RNF157: variants seen among roughly 807,000 people sequenced by gnomAD.
RNF157 encodes the protein ring finger protein 157.
A neutral mutation model predicts 88.3 loss-of-function variants in RNF157; 55 were observed. The ratio of observed to expected loss-of-function variants is 0.62; its 90% CI spans 0.50 to 0.78. RNF157 has a LOEUF of 0.78. Among genes scored for constraint, RNF157 ranks in the 30% least tolerant of loss-of-function variants. The pLI is 0.00. For synonymous variants in RNF157, 334 were observed against 341.2 expected (o/e 0.98, Z 0.23); for missense variants, 788 against 860.8 (o/e 0.92, Z 1.06).
intron 2 of RNF157, among the ~76,000 whole-genome samples, chr17:76,182,913 C>T (rs1359854986): frequency 6.7e-6 from 1 of 149,838 alleles, no homozygotes; most frequent in Non-Finnish European, 1.5e-5. Flanking sequence ...CATCAATTCT[C>T]AGGTAAAGAA....
intron 6 of RNF157, 131 bp from the exon 7 acceptor site, chr17:76,165,676 A>G (rs1183658232): frequency 1.7e-5 from 15 of 882,224 alleles, no homozygotes; most frequent in Non-Finnish European, 2.5e-5. Context: ...ACGTTATATA[A>G]CCCATACTTT....
At position 76,166,356 on chromosome 17, in the gene RNF157, A is replaced by G. The variant is rs2068924364; in HGVS notation, c.628+105T>C. The G allele has an allele frequency of 3.3e-6, 3 of 917,938 alleles. No individual in the cohort carries two copies. The African/African-American group carries it at 4.9e-5, about 15-fold the overall frequency. 56.9% of individuals were successfully genotyped at this position (917,938 alleles called of 1,614,324 possible). ...CAGAGACTGCCTGACTCACAGTCACAAACACCCACAAAGAAGGCATGTTGT... is the reference window on the plus strand; with the variant it reads ...CAGAGACTGCCTGACTCACAGTCACGAACACCCACAAAGAAGGCATGTTGT... On this transcript the variant is annotated intron_variant, in intron 6 of 18. Transcript: ENST00000269391.
rs1191998107 is a variant in RNF157, at chr17:76,176,836, C to G, written c.208-3046G>C. ...GAGCTGGGGCCATGCTTCAGGGGCCCCGGGCAGGAAGTGGGAGCAGCTTCC... is the reference window on the plus strand; with the variant it reads ...GAGCTGGGGCCATGCTTCAGGGGCCGCGGGCAGGAAGTGGGAGCAGCTTCC... On this transcript the variant is annotated intron_variant, in intron 2 of 18. Coordinates refer to ENST00000269391, the MANE Select transcript of RNF157 (RefSeq NM_052916.3). The surrounding 1 kb of genome is among the most constrained non-coding windows in gnomAD (Gnocchi z 4.2). 6.6e-6 allele frequency among the ~76,000 whole-genome samples: 1 copy of G among 152,070 alleles called. No homozygotes were observed. Among genetic ancestry groups the G allele is most frequent in the Non-Finnish European group, 1.5e-5 (1 of 68,008 alleles).
chr17:76,214,932 C>T (rs899373141), intron 1 of RNF157, among the ~76,000 whole-genome samples: 7 of 152,158 alleles, frequency 4.6e-5, no homozygotes, highest in Non-Finnish European at 8.8e-5. Flanking sequence ...GATGATTAAA[C>T]GAATGCCGCT....
At chr17:76,171,217 C>G (rs751825838) in intron 3 of RNF157, among the ~76,000 whole-genome samples, 4 of 149,470 alleles carry the variant, frequency 2.7e-5, no homozygotes, top group Non-Finnish European at 5.9e-5. Flanking sequence ...TAGTTGGAGT[C>G]TCACTCTGTC....
chr17:76,157,943 C>T lies in RNF157; in HGVS notation c.1413+450G>A, dbSNP rs1377562548. Reference sequence around the variant, plus strand: ...TCCCAGACCTAGGGCCCTCTCTCCTCGTATATCTGCATAGCTAGCTCTACC... The same window carrying T: ...TCCCAGACCTAGGGCCCTCTCTCCTTGTATATCTGCATAGCTAGCTCTACC... On this transcript the variant is annotated intron_variant, in intron 13 of 18. Coordinates refer to ENST00000269391, the MANE Select transcript of RNF157 (RefSeq NM_052916.3). The surrounding 1 kb of genome is among the most constrained non-coding windows in gnomAD (Gnocchi z 5.6). Among the ~76,000 whole-genome samples, 1 of 151,980 alleles carries T rather than the reference C, an allele frequency of 6.6e-6. No homozygotes were observed. Among genetic ancestry groups the T allele is most frequent in the Non-Finnish European group, 1.5e-5 (1 of 67,986 alleles).
At chr17:76,185,674 T>C (rs2069273714) in intron 2 of RNF157, among the ~76,000 whole-genome samples, 1 of 151,998 alleles carries the variant, frequency 6.6e-6, no homozygotes, top group South Asian at 2.1e-4. Flanking sequence ...TTTCACCGTG[T>C]TAGCCAGGAT....
chr17:76,184,016 C>T (rs887667149), intron 2 of RNF157, among the ~76,000 whole-genome samples: 5 of 151,854 alleles, frequency 3.3e-5, no homozygotes, highest in Non-Finnish European at 5.9e-5. Context: ...ATGGTGAAAC[C>T]CCGTCTCTAC....
chr17:76,146,510 G>A lies in RNF157; in HGVS notation c.1922-1157C>T. On this transcript the variant is annotated intron_variant, in intron 18 of 18. Transcript: ENST00000269391. This position sits in a 1 kb window ranked among gnomAD's most constrained non-coding sequence, Gnocchi z 4.2. ...GGGCCTCGGCTGCCTCCACTCTCAG[G>A]GTCCCCTGGCTCCCTGGGGTAGGGA... 3.0e-6 allele frequency: 3 copies of A among 985,406 alleles called. No individual in the cohort carries two copies. The highest frequency in any genetic ancestry group is 3.6e-6 in the Non-Finnish European group (3 of 829,902). 61.0% of individuals were successfully genotyped at this position (985,406 alleles called of 1,614,324 possible).
Position 76,167,070 on chromosome 17 carries a change from A to T in RNF157, c.500T>A (p.Val167Glu). Reference sequence around the variant, plus strand: ...GGAGGGCAGGCAGAACTGCTGACACACTCCTCGCTTGTACTGCACAGTCTC... The same window carrying T: ...GGAGGGCAGGCAGAACTGCTGACACTCTCCTCGCTTGTACTGCACAGTCTC... The part of the protein sequence containing the change: ...QSETVQYKRG[V>E]CQQFCLPSHT... Residue 167 changes from valine (V) to glutamate (E), a missense_variant, in exon 5 of 19, where the codon GTG becomes GAG. By Grantham distance (121) the Val-to-Glu change is moderately radical. Coordinates refer to ENST00000269391, the MANE Select transcript of RNF157 (RefSeq NM_052916.3). The T allele has an allele frequency of 6.2e-7, 1 of 1,612,736 alleles. No individual in the cohort carries two copies. Among genetic ancestry groups the T allele is most frequent in the Non-Finnish European group, 8.5e-7 (1 of 1,179,806 alleles).
chr17:76,157,112 G>T lies in RNF157; in HGVS notation c.1414-791C>A, dbSNP rs554578792. ...CTCCCGAGTAGCTGGGACTACAGGT[G>T]CATGCCACCACACCTGGCTAATTTT... is the stretch of plus-strand genomic sequence containing the variant. On this transcript the variant is annotated intron_variant, in intron 13 of 18. Transcript: ENST00000269391. The surrounding 1 kb of genome is among the most constrained non-coding windows in gnomAD (Gnocchi z 5.6). Among the ~76,000 whole-genome samples the T allele has an allele frequency of 6.6e-6, 1 of 151,274 alleles. No homozygotes were observed. The highest frequency in any genetic ancestry group is 2.5e-5 in the African/African-American group (1 of 40,600).
chr17:76,210,440 A>G (rs2069768483), intron 2 of RNF157, among the ~76,000 whole-genome samples: 1 of 151,528 alleles, frequency 6.6e-6, no homozygotes, highest in Non-Finnish European at 1.5e-5. Flanking sequence ...AATACAAAAA[A>G]TTAGCCGGGT....
In RNF157 at chr17:76,148,416, G is replaced by A. The variant is rs185527269; in HGVS notation, c.1922-3063C>T. ...TGAGTAGCTGGGACTACAGGCACTC[G>A]CCACCACGCCTGGCTAATTTTTTTG... On this transcript the variant is annotated intron_variant, in intron 18 of 18. Transcript: ENST00000269391. Among the ~76,000 whole-genome samples the A allele has an allele frequency of 5.9e-5, 9 of 151,950 alleles. No homozygotes were observed. In the East Asian group the frequency reaches 7.7e-4, roughly 13 times the overall value.
At chr17:76,238,818 ATCAG>A (rs2070324711) in intron 1 of RNF157, among the ~76,000 whole-genome samples, 1 of 152,376 alleles carries the variant, frequency 6.6e-6, no homozygotes, top group East Asian at 1.9e-4. Context: ...TGTAGTCATA[ATCAG>A]TCAGAGCTTT....
Position 76,159,524 on chromosome 17 carries a change from G to A in RNF157, c.1115C>T (p.Ala372Val). ...PGYEVVSLLE[A>V]LNGPLTPSPA... The stretch of plus-strand genomic sequence containing the variant: ...GGACGGGGTGAGGGGCCCGTTGAGG[G>A]CCTCCAGAAGAGATACTACTTCATA... The change falls in exon 12 of 19, where the codon GCC becomes GTC. Residue 372 changes from alanine (A) to valine (V), a missense_variant. By Grantham distance (64) the Ala-to-Val change is moderately conservative. Coordinates refer to ENST00000269391, the MANE Select transcript of RNF157 (RefSeq NM_052916.3). 6.2e-7 allele frequency: 1 copy of A among 1,601,792 alleles called. No homozygotes were observed. The highest frequency in any genetic ancestry group is 8.5e-7 in the Non-Finnish European group (1 of 1,176,806).
At chr17:76,159,065 T>C (rs974564135) in intron 12 of RNF157, among the ~76,000 whole-genome samples, 1 of 152,196 alleles carries the variant, frequency 6.6e-6, no homozygotes, top group Admixed American at 6.5e-5. Flanking sequence ...TCCACAGTGT[T>C]CAACATCCTC....
Position 76,176,190 on chromosome 17 carries a change from C to A in RNF157, c.208-2400G>T, listed in dbSNP as rs2069099923. Among the ~76,000 whole-genome samples the A allele has an allele frequency of 6.6e-6, 1 of 152,130 alleles. No homozygotes were observed. Among genetic ancestry groups the A allele is most frequent in the Non-Finnish European group, 1.5e-5 (1 of 68,024 alleles). On this transcript the variant is annotated intron_variant, in intron 2 of 18. Coordinates refer to ENST00000269391, the MANE Select transcript of RNF157 (RefSeq NM_052916.3). The surrounding 1 kb of genome is among the most constrained non-coding windows in gnomAD (Gnocchi z 4.2). ...AAGGCCCTGCTCTTTCAGGAAGCTG[C>A]ATTATAAGGCAGCTGACATAGTAAT... is the stretch of plus-strand genomic sequence containing the variant.
chr17:76,200,357 T>C (rs1397715195), intron 2 of RNF157, among the ~76,000 whole-genome samples: 2 of 152,170 alleles, frequency 1.3e-5, no homozygotes, highest in South Asian at 2.1e-4. Context: ...TGAATGGATA[T>C]ACAGTGTATC....
intron 2 of RNF157, among the ~76,000 whole-genome samples, chr17:76,185,015 T>C (rs541443160): frequency 1.9e-4 from 29 of 152,318 alleles, no homozygotes; most frequent in African/African-American, 4.6e-4. Flanking sequence ...ACGAAAAACC[T>C]ACCACAGAGT....
Sources: allele counts gnomAD v4.1 joint callset (sites outside exome capture counted in the v4.1 genomes callset), GRCh38; gene constraint gnomAD v4.1.1; non-coding constraint Gnocchi (gnomAD v3.1); transcripts MANE v1.5; gene names NCBI Gene and HGNC (gene_info 2026-07-23, HGNC 2026-07-21).